FRAS1: variants seen among roughly 807,000 people sequenced by gnomAD.
FRAS1 encodes extracellular matrix organizing protein FRAS1.
FRAS1 carries 290 observed loss-of-function variants against 435.2 expected under a neutral mutation model. The ratio of observed to expected loss-of-function variants is 0.67; its 90% CI spans 0.61 to 0.73. The LOEUF (loss-of-function observed/expected upper bound fraction) is 0.73, where lower values mean the gene tolerates loss of function less well. FRAS1 is among the 30% of genes least tolerant of loss of function. FRAS1 has a pLI of 0.00. For missense variants in FRAS1, 4,860 were observed against 5,001.5 expected, an observed-to-expected ratio of 0.97 and a Z score of 0.85; for synonymous variants, 1,800 against 1,851.0, an observed-to-expected ratio of 0.97 and a Z score of 0.71.
chr4:78,079,315 G>A (rs1010846926), intron 2 of FRAS1, among the ~76,000 whole-genome samples: 1 of 152,150 alleles, frequency 6.6e-6, no homozygotes, highest in Non-Finnish European at 1.5e-5. Flanking sequence ...AGTTGAAAGA[G>A]TGAAGAAAAA....
At chr4:78,135,359 A>G (rs1719877464) in intron 2 of FRAS1, among the ~76,000 whole-genome samples, 1 of 152,148 alleles carries the variant, frequency 6.6e-6, no homozygotes, top group Non-Finnish European at 1.5e-5. Context: ...TGCATGCATG[A>G]ATTATTTATT....
At chr4:78,244,128 T>A (rs1480239109) in intron 3 of FRAS1, among the ~76,000 whole-genome samples, 1 of 152,200 alleles carries the variant, frequency 6.6e-6, no homozygotes, top group East Asian at 1.9e-4. Flanking sequence ...TTTAGTGGGT[T>A]AATGGTTGTA....
At chr4:78,534,398 T>C in intron 70 of FRAS1, 51 bp from the exon 71 acceptor site, 2 of 1,535,866 alleles carry the variant, frequency 1.3e-6, no homozygotes, top group Non-Finnish European at 1.8e-6. Flanking sequence ...AAATGACATA[T>C]GCAAAGCTGA....
intron 59 of FRAS1, among the ~76,000 whole-genome samples, chr4:78,490,081 A>G (rs1464454012): frequency 2.0e-5 from 3 of 152,138 alleles, no homozygotes; most frequent in Non-Finnish European, 2.9e-5. Context: ...ACATAATGGT[A>G]AAGGGATCAA....
intron 19 of FRAS1, among the ~76,000 whole-genome samples, chr4:78,334,037 C>T (rs1031144878): frequency 6.6e-6 from 1 of 152,218 alleles, no homozygotes; most frequent in Admixed American, 6.5e-5. Context: ...GATCCTCCCA[C>T]CTTGGCCTCC....
At chr4:78,514,567 T>C (rs764589954) in intron 65 of FRAS1, among the ~76,000 whole-genome samples, 1 of 152,216 alleles carries the variant, frequency 6.6e-6, no homozygotes, top group African/African-American at 2.4e-5. Context: ...GAAAGTTTAA[T>C]TGGTCCACAT....
At chr4:78,322,605 G>A (rs773080214) in intron 18 of FRAS1, among the ~76,000 whole-genome samples, 5 of 151,212 alleles carry the variant, frequency 3.3e-5, no homozygotes, top group Non-Finnish European at 5.9e-5. Flanking sequence ...ACACTGAAGT[G>A]GTGTCAGCAG....
chr4:78,278,864 C>A (rs1727188898), intron 10 of FRAS1, 120 bp downstream of exon 10: 5 of 662,858 alleles, frequency 7.5e-6, no homozygotes, highest in Non-Finnish European at 1.3e-5. Flanking sequence ...TTATTGTGCA[C>A]CTACTGTACA....
At chr4:78,116,631 T>A (rs955632951) in intron 2 of FRAS1, among the ~76,000 whole-genome samples, 4 of 152,238 alleles carry the variant, frequency 2.6e-5, no homozygotes, top group African/African-American at 9.6e-5. Flanking sequence ...AAGTCTGTTT[T>A]ATCAGAGACT....
At chr4:78,250,761 A>G (rs1480051559) in intron 4 of FRAS1, among the ~76,000 whole-genome samples, 2 of 152,168 alleles carry the variant, frequency 1.3e-5, no homozygotes, top group Non-Finnish European at 2.9e-5. Context: ...TGTGTGAGAG[A>G]ATTTCTTTCC....
At chr4:78,385,207 GGATT>G (rs989814837) in intron 28 of FRAS1, among the ~76,000 whole-genome samples, 1 of 152,106 alleles carries the variant, frequency 6.6e-6, no homozygotes, top group Non-Finnish European at 1.5e-5. Flanking sequence ...TGGGCTTGAG[GGATT>G]GAAGAGCCGA....
intron 33 of FRAS1, among the ~76,000 whole-genome samples, chr4:78,420,947 A>G (rs1236807943): frequency 7.1e-6 from 1 of 140,346 alleles, no homozygotes; most frequent in African/African-American, 2.7e-5. Context: ...TTTATTAAGT[A>G]TTAACTCCCA....
chr4:78,497,315 T>A (rs1578358695), intron 60 of FRAS1, among the ~76,000 whole-genome samples: 2 of 152,118 alleles, frequency 1.3e-5, no homozygotes, highest in African/African-American at 4.8e-5. Context: ...AATGAACTGG[T>A]TTAAAACACT....
chr4:78,330,881 T>C (rs1286399283), intron 18 of FRAS1, among the ~76,000 whole-genome samples: 1 of 152,234 alleles, frequency 6.6e-6, no homozygotes, highest in Non-Finnish European at 1.5e-5. Flanking sequence ...TGTGAAGTAC[T>C]TGATGTCTGT....
chr4:78,204,533 T>A (rs1723174031), intron 2 of FRAS1, among the ~76,000 whole-genome samples: 1 of 152,196 alleles, frequency 6.6e-6, no homozygotes, highest in Non-Finnish European at 1.5e-5. Flanking sequence ...AAGGCGTAAT[T>A]ATCAAAGAGA....
chr4:78,321,568 G>T (rs1729504815), intron 18 of FRAS1, among the ~76,000 whole-genome samples: 1 of 152,202 alleles, frequency 6.6e-6, no homozygotes, highest in African/African-American at 2.4e-5. Flanking sequence ...ATCTGACTGG[G>T]TTCGGTGGCT....
At chr4:78,337,856 G>C (rs922623359) in intron 20 of FRAS1, 39 bp downstream of exon 20, 1 of 1,611,518 alleles carries the variant, frequency 6.2e-7, no homozygotes, top group Admixed American at 1.7e-5. Context: ...AAATCACTGG[G>C]CAGCTGCCGG....
Position 78,161,768 on chromosome 4 carries a change from AAAAAG to A in FRAS1, c.109-75723_109-75719del, listed in dbSNP as rs1332936013. ...AAAAAAAAAAAAAAAAAAAAAAAAA[AAAAAG>A]AAAAGAAAAGAAAAGAAAGTGCTCT... On this transcript the variant is annotated intron_variant, in intron 2 of 73. Coordinates refer to ENST00000512123, the MANE Select transcript of FRAS1 (RefSeq NM_025074.7). 4.7e-3 allele frequency among the ~76,000 whole-genome samples: 661 copies of A among 140,652 alleles called. 2 individuals are homozygous for A. The highest frequency in any genetic ancestry group is 0.018 in the Middle Eastern group (5 of 276). 92.3% of individuals were successfully genotyped at this position (140,652 alleles called of 152,430 possible). A position where few individuals can be genotyped will look rare whatever the true frequency, so the allele number is the denominator to read the frequency against.
chr4:78,059,002 G>C lies in FRAS1; in HGVS notation c.76+917G>C, dbSNP rs1034021836. 1.8e-4 allele frequency among the ~76,000 whole-genome samples: 28 copies of C among 152,324 alleles called. 1 individual carries two copies. In the East Asian group the frequency reaches 5.2e-3, roughly 28 times the overall value. The stretch of plus-strand genomic sequence containing the variant: ...GAGCCGGCGGGCTGGGAGGAAGACG[G>C]CTTAATCCACAGCGCCTGGCTCTCG... On this transcript the variant is annotated intron_variant, in intron 1 of 73. Coordinates refer to ENST00000512123, the MANE Select transcript of FRAS1 (RefSeq NM_025074.7).
Sources: gnomAD v4.1 joint callset for allele counts (sites outside exome capture counted in the v4.1 genomes callset) on GRCh38, gnomAD v4.1.1 for gene constraint, MANE v1.5 for transcripts, NCBI Gene and HGNC (gene_info 2026-07-23, HGNC 2026-07-21) for gene names.